Variants in RIN2 observed in about 807,000 individuals in gnomAD.
RIN2 encodes the protein Ras and Rab interactor 2.
A neutral mutation model predicts 78.0 loss-of-function variants in RIN2; 36 were observed. That is an observed-to-expected ratio of 0.46 (90% CI 0.35 to 0.61). The LOEUF is 0.61. Among genes scored for constraint, RIN2 ranks in the 20% least tolerant of loss-of-function variants. The pLI is 0.00. For missense variants in RIN2, 1,087 were observed against 1,159.7 expected, an observed-to-expected ratio of 0.94 and a Z score of 0.91; for synonymous variants, 466 against 466.8, an observed-to-expected ratio of 1.00 and a Z score of 0.02.
At chr20:19,772,480 G>A (rs1030607615) in intron 1 of RIN2, among the ~76,000 whole-genome samples, 1 of 152,150 alleles carries the variant, frequency 6.6e-6, no homozygotes, top group East Asian at 1.9e-4. Context: ...CAAGGATGGG[G>A]CCCTTCTGAA....
rs2041889664 is a variant in RIN2 at position 19,964,954 on chromosome 20, T to G, written c.466T>G (p.Phe156Val). ...EFAIKESTYTFSLEGSGISFA... is the reference protein window; with the variant it reads ...EFAIKESTYTVSLEGSGISFA... The stretch of plus-strand genomic sequence containing the variant: ...GGTTTCTGAAATCTCTTTTCCAGCC[T>G]TTTCCCTGGAAGGCTCAGGAATCAG... The change falls in exon 7 of 13, where the codon TTT becomes GTT. Residue 156 changes from phenylalanine to valine, a missense_variant and splice_region_variant. Coordinates refer to ENST00000255006, the MANE Select transcript of RIN2 (RefSeq NM_018993.4). 4 of 1,612,082 alleles carry G rather than the reference T, an allele frequency of 2.5e-6. No individual in the cohort carries two copies. Among genetic ancestry groups the G allele is most frequent in the Non-Finnish European group, 3.4e-6 (4 of 1,178,706 alleles).
At chr20:19,834,947 A>AAGAG (rs5840858) in intron 2 of RIN2, among the ~76,000 whole-genome samples, 201 of 143,808 alleles carry the variant, frequency 1.4e-3, no homozygotes, top group South Asian at 4.3e-3. Flanking sequence ...CTGTGAAGAA[A>AAGAG]AGAGAGAGAG....
At chr20:19,973,587 G>A (rs1418090437) in intron 8 of RIN2, among the ~76,000 whole-genome samples, 1 of 152,182 alleles carries the variant, frequency 6.6e-6, no homozygotes, top group Non-Finnish European at 1.5e-5. Context: ...TCAGGAGTTG[G>A]AGACCAGCCT....
At chr20:19,994,684 C>G (rs2042900949) in intron 11 of RIN2, among the ~76,000 whole-genome samples, 2 of 152,104 alleles carry the variant, frequency 1.3e-5, no homozygotes, top group Admixed American at 1.3e-4. Context: ...CAAATCCTGA[C>G]CCTCCATACG....
intron 2 of RIN2, among the ~76,000 whole-genome samples, chr20:19,837,134 TTAAG>T (rs2036440261): frequency 6.7e-6 from 1 of 148,542 alleles, no homozygotes; most frequent in African/African-American, 2.5e-5. Context: ...CTCAGAGAGA[TTAAG>T]TAACACTGAA....
chr20:19,953,487 T>C (rs1175295522), intron 4 of RIN2, among the ~76,000 whole-genome samples: 1 of 151,968 alleles, frequency 6.6e-6, no homozygotes, highest in African/African-American at 2.4e-5. Flanking sequence ...TTGCCCAGCC[T>C]GGAGTGCAGT....
chr20:19,868,300 G>A (rs957607635), intron 2 of RIN2, among the ~76,000 whole-genome samples: 22 of 152,228 alleles, frequency 1.4e-4, no homozygotes, highest in East Asian at 5.8e-4. Context: ...GGACATACGC[G>A]CTTTCCACCG....
At chr20:19,833,058 C>T (rs575657149) in intron 2 of RIN2, among the ~76,000 whole-genome samples, 5 of 152,184 alleles carry the variant, frequency 3.3e-5, no homozygotes, top group Non-Finnish European at 5.9e-5. Flanking sequence ...TTCCTCCCCA[C>T]GGAAACCACA....
chr20:19,833,046 T>C (rs1177792758), intron 2 of RIN2, among the ~76,000 whole-genome samples: 2 of 152,136 alleles, frequency 1.3e-5, no homozygotes, highest in African/African-American at 4.8e-5. Flanking sequence ...CTGCCCTACA[T>C]GTTCCTCCCC....
At chr20:19,998,093 C>T (rs1028543197) in intron 12 of RIN2, among the ~76,000 whole-genome samples, 1 of 151,894 alleles carries the variant, frequency 6.6e-6, no homozygotes, top group African/African-American at 2.4e-5. Flanking sequence ...ATTCTCCTGC[C>T]TCAGCCTCCG....
intron 2 of RIN2, among the ~76,000 whole-genome samples, chr20:19,822,272 A>G (rs950834951): frequency 2.0e-5 from 3 of 152,160 alleles, no homozygotes; most frequent in African/African-American, 7.2e-5. Context: ...ACATCTGAAC[A>G]ATGAGAGTGG....
At position 19,940,695 on chromosome 20, in the gene RIN2, G is replaced by A. The variant is rs2040833677; in HGVS notation, c.158+5496G>A. Among the ~76,000 whole-genome samples the A allele has an allele frequency of 2.0e-5, 3 of 152,226 alleles. No homozygotes were observed. In the South Asian group the frequency reaches 6.2e-4, roughly 32 times the overall value. The stretch of plus-strand genomic sequence containing the variant: ...CAAAGACTGGAGAGTATGGGAACAT[G>A]AAGGCATTTCACTCCCCTCTCCCTC... On this transcript the variant is annotated intron_variant, in intron 4 of 12. Transcript: ENST00000255006.
chr20:19,788,127 G>A lies in RIN2; in HGVS notation c.-162-11495G>A, dbSNP rs140837612. Among the ~76,000 whole-genome samples, 274 of 152,222 alleles carry A rather than the reference G, an allele frequency of 1.8e-3. 2 individuals carry two copies. The highest frequency in any genetic ancestry group is 6.3e-3 in the African/African-American group (261 of 41,514). ...GGGTATGTGCAAGCCATGTTGAATG[G>A]TGAAATACTTAATGCTTTCACTCTG... is the stretch of plus-strand genomic sequence containing the variant. On this transcript the variant is annotated intron_variant, in intron 1 of 12. Coordinates refer to ENST00000255006, the MANE Select transcript of RIN2 (RefSeq NM_018993.4).
intron 2 of RIN2, among the ~76,000 whole-genome samples, chr20:19,885,615 G>A (rs2038156568): frequency 6.6e-6 from 1 of 151,982 alleles, no homozygotes; most frequent in African/African-American, 2.4e-5. Context: ...AAAGTGAGCT[G>A]AGATGGTGCC....
At chr20:19,896,348 C>T (rs1387339510) in intron 3 of RIN2, among the ~76,000 whole-genome samples, 1 of 152,170 alleles carries the variant, frequency 6.6e-6, no homozygotes, top group African/African-American at 2.4e-5. Context: ...GCCACCACAC[C>T]CAGCTAATTT....
intron 2 of RIN2, among the ~76,000 whole-genome samples, chr20:19,809,952 C>T (rs372742671): frequency 2.8e-4 from 42 of 150,786 alleles, no homozygotes; most frequent in East Asian, 5.9e-4. Flanking sequence ...GCTAGATGGC[C>T]GCTGCGACCA....
chr20:19,843,450 C>G (rs8123907), intron 2 of RIN2, among the ~76,000 whole-genome samples: 1,781 of 152,312 alleles, frequency 0.012, 11 homozygotes, highest in Non-Finnish European at 0.014. Context: ...CAGCAGCCAT[C>G]AACATCAAGG....
chr20:19,758,128 G>C (rs555596037), upstream of RIN2: 13 of 152,588 alleles, frequency 8.5e-5, no homozygotes, highest in African/African-American at 2.9e-4. Context: ...GCCGAGGGAC[G>C]GCCCGAGGCA....
intron 2 of RIN2, among the ~76,000 whole-genome samples, chr20:19,871,149 T>C (rs2037678463): frequency 6.6e-6 from 1 of 152,222 alleles, no homozygotes; most frequent in South Asian, 2.1e-4. Flanking sequence ...AGGGATATCT[T>C]AAAAGCTTTC....
Sources: allele counts gnomAD v4.1 joint callset (sites outside exome capture counted in the v4.1 genomes callset), GRCh38; gene constraint gnomAD v4.1.1; transcripts MANE v1.5; gene names NCBI Gene and HGNC (gene_info 2026-07-23, HGNC 2026-07-21).